The following SLC39A11 variants were observed in gnomAD, a reference collection of about 807,000 sequenced individuals.
SLC39A11 encodes the protein solute carrier family 39 member 11.
Under a neutral mutation model 36.1 loss-of-function variants are expected in SLC39A11, and 33 were observed. The observed-to-expected ratio is 0.91, with a 90% CI of 0.69 to 1.22. The LOEUF (loss-of-function observed/expected upper bound fraction) is 1.22. Among genes scored for constraint, SLC39A11 ranks in the 50% most tolerant of loss-of-function variants. The probability of loss-of-function intolerance (pLI) is 0.00; values close to 1 mark genes in which losing one functional copy is unlikely to be tolerated. For synonymous variants in SLC39A11, 166 were observed against 170.3 expected (o/e 0.97, Z 0.20); for missense variants, 432 against 430.3 (o/e 1.00, Z -0.03).
chr17:72,897,944 A>G (rs1480221584), intron 5 of SLC39A11, among the ~76,000 whole-genome samples: 1 of 152,124 alleles, frequency 6.6e-6, no homozygotes, highest in Admixed American at 6.6e-5. Flanking sequence ...TAAAAGCAAC[A>G]GGTACAGGAC....
At chr17:72,783,878 C>G (rs2076407922) in intron 6 of SLC39A11, among the ~76,000 whole-genome samples, 1 of 152,146 alleles carries the variant, frequency 6.6e-6, no homozygotes, top group Admixed American at 6.5e-5. Flanking sequence ...CCCTAGCACA[C>G]CCTCAGCCAG....
chr17:72,864,309 CTT>C (rs36113238), intron 5 of SLC39A11, among the ~76,000 whole-genome samples: 17 of 138,272 alleles, frequency 1.2e-4, no homozygotes, highest in East Asian at 6.2e-4. Flanking sequence ...TAAGCATCGG[CTT>C]TTTTTTTTTT....
At position 72,703,492 on chromosome 17, in the gene SLC39A11, GGGGGCGATACCCCACA is replaced by G. The variant is rs142853152; in HGVS notation, c.671+33142_671+33157del. ...GGGGTAAAGGTAACATGGGGGGTTG[GGGGGCGATACCCCACA>G]GGGTTCCAAGCATGTCACCCACATT... is the stretch of plus-strand genomic sequence containing the variant. On this transcript the variant is annotated intron_variant, in intron 7 of 9. Coordinates refer to ENST00000255559, the MANE Select transcript of SLC39A11 (RefSeq NM_139177.4). Among the ~76,000 whole-genome samples, 678 of 152,262 alleles carry G rather than the reference GGGGGCGATACCCCACA, an allele frequency of 4.5e-3. 3 individuals carry two copies. The highest frequency in any genetic ancestry group is 0.016 in the African/African-American group (644 of 41,548).
chr17:72,935,805 G>T (rs1386204411), intron 5 of SLC39A11, among the ~76,000 whole-genome samples: 2 of 151,880 alleles, frequency 1.3e-5, no homozygotes, highest in African/African-American at 4.8e-5. Context: ...GGCTGGTCTT[G>T]AACTCCTGAC....
At chr17:72,760,487 G>C (rs760112319) in intron 6 of SLC39A11, among the ~76,000 whole-genome samples, 1 of 152,114 alleles carries the variant, frequency 6.6e-6, no homozygotes, top group Non-Finnish European at 1.5e-5. Flanking sequence ...GTTGGTTTCC[G>C]TGTGGGACAC....
chr17:73,031,475 G>A, intron 4 of SLC39A11, 81 bp downstream of exon 4: 2 of 1,477,998 alleles, frequency 1.4e-6, no homozygotes, highest in African/African-American at 1.4e-5. Flanking sequence ...TAACAGGTAT[G>A]TCAGGTTTGA....
intron 6 of SLC39A11, among the ~76,000 whole-genome samples, chr17:72,800,507 C>T (rs555775717): frequency 2.4e-3 from 365 of 151,972 alleles, no homozygotes; most frequent in Non-Finnish European, 3.9e-3. Flanking sequence ...GACGGGGTTT[C>T]GCCACGTTGG....
chr17:72,982,357 C>T (rs78367198), intron 4 of SLC39A11, among the ~76,000 whole-genome samples: 2,300 of 152,224 alleles, frequency 0.015, 60 homozygotes, highest in African/African-American at 0.053. Context: ...CAAATACAGA[C>T]GGTAGCTACT....
At chr17:72,811,061 A>G (rs1294231155) in intron 6 of SLC39A11, among the ~76,000 whole-genome samples, 1 of 123,428 alleles carries the variant, frequency 8.1e-6, no homozygotes, top group African/African-American at 3.3e-5. Flanking sequence ...CTTGATTTGA[A>G]TAAAAGCAAA....
At chr17:72,697,633 C>T (rs992660995) in intron 7 of SLC39A11, among the ~76,000 whole-genome samples, 1 of 152,176 alleles carries the variant, frequency 6.6e-6, no homozygotes, top group Non-Finnish European at 1.5e-5. Context: ...CTCTGAAAAT[C>T]AGATCACCAG....
intron 6 of SLC39A11, among the ~76,000 whole-genome samples, chr17:72,812,291 C>T (rs1180685389): frequency 6.6e-6 from 1 of 152,158 alleles, no homozygotes; most frequent in East Asian, 1.9e-4. Context: ...AGTAGATTTT[C>T]TCCCAGGGTC....
intron 4 of SLC39A11, among the ~76,000 whole-genome samples, chr17:73,004,416 G>A (rs2090071771): frequency 6.6e-6 from 1 of 152,170 alleles, no homozygotes; most frequent in Non-Finnish European, 1.5e-5. Flanking sequence ...GGTGAAGTAA[G>A]AAAGACAGCG....
intron 7 of SLC39A11, among the ~76,000 whole-genome samples, chr17:72,732,160 GCAC>G (rs1490635716): frequency 4.8e-5 from 7 of 144,746 alleles, no homozygotes; most frequent in Non-Finnish European, 9.0e-5. Context: ...GGGATCAAAG[GCAC>G]CTACCACCAC....
At chr17:72,864,307 G>A (rs1000097391) in intron 5 of SLC39A11, among the ~76,000 whole-genome samples, 1 of 148,292 alleles carries the variant, frequency 6.7e-6, no homozygotes, top group African/African-American at 2.5e-5. Context: ...TATAAGCATC[G>A]GCTTTTTTTT....
chr17:73,037,677 TC>T (rs1184040433), intron 3 of SLC39A11, among the ~76,000 whole-genome samples: 7 of 152,228 alleles, frequency 4.6e-5, no homozygotes, highest in Non-Finnish European at 2.9e-5. Flanking sequence ...ATCTTCCTTT[TC>T]CTCACCTTTG....
chr17:72,863,749 C>T (rs1041278685), intron 5 of SLC39A11, among the ~76,000 whole-genome samples: 2 of 152,212 alleles, frequency 1.3e-5, no homozygotes, highest in African/African-American at 4.8e-5. Flanking sequence ...TTGCAGCGTG[C>T]CTGCTGCCAT....
chr17:73,087,619 A>G (rs567419424), intron 2 of SLC39A11, among the ~76,000 whole-genome samples: 1 of 152,170 alleles, frequency 6.6e-6, no homozygotes, highest in East Asian at 1.9e-4. Flanking sequence ...TGGGGAGGGC[A>G]TATGGGTATG....
At chr17:72,847,202 A>C (rs748120925) in intron 6 of SLC39A11, among the ~76,000 whole-genome samples, 10 of 152,194 alleles carry the variant, frequency 6.6e-5, no homozygotes, top group Non-Finnish European at 1.2e-4. Context: ...CGGGAGTTTA[A>C]GACCAGCCTG....
At chr17:72,878,127 T>C (rs557502339) in intron 5 of SLC39A11, among the ~76,000 whole-genome samples, 34 of 152,058 alleles carry the variant, frequency 2.2e-4, no homozygotes, top group Non-Finnish European at 3.7e-4. Context: ...GCTTCATCCA[T>C]GTCCCTACAA....
Sources: allele counts gnomAD v4.1 joint callset (sites outside exome capture counted in the v4.1 genomes callset), GRCh38; gene constraint gnomAD v4.1.1; transcripts MANE v1.5; gene names NCBI Gene and HGNC (gene_info 2026-07-23, HGNC 2026-07-21).